FOXN3: variants seen among roughly 807,000 people sequenced by gnomAD.
FOXN3 encodes forkhead box N3.
Under a neutral mutation model 38.4 loss-of-function variants are expected in FOXN3, and 7 were observed. That is an observed-to-expected ratio of 0.18 (90% CI 0.10 to 0.34). The LOEUF (loss-of-function observed/expected upper bound fraction) is 0.34. Ranked by LOEUF, FOXN3 falls within the 10% of genes least tolerant of loss-of-function variation. The pLI, the probability that FOXN3 is intolerant of heterozygous loss-of-function variation, is 1.00. For missense variants in FOXN3, 456 were observed against 613.4 expected (o/e 0.74, Z 2.71); for synonymous variants, 230 against 242.2 (o/e 0.95, Z 0.47).
At position 89,164,276 on chromosome 14, in the gene FOXN3, G is replaced by A. The variant is rs1022323224; in HGVS notation, c.852-1307C>T. Among the ~76,000 whole-genome samples, 3 of 152,184 alleles carry A rather than the reference G, an allele frequency of 2.0e-5. No homozygotes were observed. The highest frequency in any genetic ancestry group is 6.5e-5 in the Admixed American group (1 of 15,280). ...TAGCTGAAGGGGACGAAGGGTGGACGCCAGGGAATGTTTTGTGGAAGACAA... is the reference window on the plus strand; with the variant it reads ...TAGCTGAAGGGGACGAAGGGTGGACACCAGGGAATGTTTTGTGGAAGACAA... On this transcript the variant is annotated intron_variant, in intron 5 of 5. Transcript: ENST00000557258. This position sits in a 1 kb window ranked among gnomAD's most constrained non-coding sequence, Gnocchi z 4.3.
At position 89,331,550 on chromosome 14, in the gene FOXN3, A is replaced by ACAGACTCAGACTCAC. The variant is rs1888248558; in HGVS notation, c.680+19121_680+19122insGTGAGTCTGAGTCTG. Among the ~76,000 whole-genome samples the ACAGACTCAGACTCAC allele has an allele frequency of 2.6e-5, 4 of 152,320 alleles. No homozygotes were observed. In the East Asian group the frequency reaches 7.7e-4, roughly 29 times the overall value. On this transcript the variant is annotated intron_variant, in intron 3 of 5. Transcript: ENST00000557258. ...TGGTGAAGGGGACTGAGGATGAAGA[A>ACAGACTCAGACTCAC]CAGACTCAGACTCAATCTGTTACTA... is the stretch of plus-strand genomic sequence containing the variant.
chr14:89,391,073 T>C (rs1250963716), intron 2 of FOXN3, among the ~76,000 whole-genome samples: 1 of 152,154 alleles, frequency 6.6e-6, no homozygotes, highest in East Asian at 1.9e-4. Context: ...TCTTTCCTTA[T>C]TTATGTGTGG....
Position 89,180,695 on chromosome 14 carries a change from A to C in FOXN3, c.851+6T>G, listed in dbSNP as rs759836629. On this transcript the variant is annotated splice_donor_region_variant and intron_variant, in intron 5 of 5. Coordinates refer to ENST00000557258, the MANE Select transcript of FOXN3 (RefSeq NM_005197.4). ...GCTGGCTCTGCCCAGCGCACTCCCC[A>C]CTTACCTCATGGCCGCTGTCACCCC... is the stretch of plus-strand genomic sequence containing the variant. 8.8e-6 allele frequency: 14 copies of C among 1,599,492 alleles called. 1 individual carries two copies. The East Asian group carries it at 1.6e-4, about 18-fold the overall frequency.
rs148775629 is a variant in FOXN3, at chr14:89,457,085, A to C, written c.-14-44595T>G. Among the ~76,000 whole-genome samples, 723 of 152,314 alleles carry C rather than the reference A, an allele frequency of 4.7e-3. 12 individuals are homozygous for C. Among genetic ancestry groups the C allele is most frequent in the African/African-American group, 0.017 (688 of 41,564 alleles). On this transcript the variant is annotated intron_variant, in intron 1 of 6. Coordinates refer to the FOXN3 transcript ENST00000345097. ...GTAATCACAAGTGTCACACAAAATC[A>C]CACAATTCAAGTCTACAGCTTGACT...
intron 2 of FOXN3, among the ~76,000 whole-genome samples, chr14:89,393,085 A>G (rs1891000627): frequency 6.6e-6 from 1 of 151,930 alleles, no homozygotes; most frequent in Non-Finnish European, 1.5e-5. Context: ...GGTTACAGGC[A>G]TGAGCCACCG....
chr14:89,157,057 T>A lies in FOXN3; in HGVS notation c.*5357A>T, dbSNP rs1430921523. ...AGGTAGAGAAAGCAGTTCTCAACTT[T>A]TGCAAATGAAATACAGTGGAAAAAC... On this transcript the variant is annotated 3_prime_UTR_variant, in exon 6 of 6. Transcript: ENST00000557258. 1 of 152,642 alleles carries A rather than the reference T, an allele frequency of 6.6e-6. No individual in the cohort carries two copies. Among genetic ancestry groups the A allele is most frequent in the African/African-American group, 2.4e-5 (1 of 41,452 alleles). The allele number at this position is 152,642 out of a possible 1,614,324, so 9.5% of individuals were successfully genotyped here.
intron 1 of FOXN3, among the ~76,000 whole-genome samples, chr14:89,618,158 C>T (rs1896528261): frequency 6.6e-6 from 1 of 152,208 alleles, no homozygotes; most frequent in African/African-American, 2.4e-5. Context: ...GCACATTTTA[C>T]ATTTGCAATC....
chr14:89,557,295 C>T (rs1895146541), intron 1 of FOXN3, among the ~76,000 whole-genome samples: 1 of 152,174 alleles, frequency 6.6e-6, no homozygotes, highest in African/African-American at 2.4e-5. Context: ...AAAGTCTTCT[C>T]CCAATTCCCA....
intron 1 of FOXN3, among the ~76,000 whole-genome samples, chr14:89,552,863 C>G (rs1201026552): frequency 6.6e-6 from 1 of 152,072 alleles, no homozygotes; most frequent in African/African-American, 2.4e-5. Flanking sequence ...AACACTCCAG[C>G]CTGGGTAAAA....
intron 1 of FOXN3, among the ~76,000 whole-genome samples, chr14:89,523,415 T>C (rs1313029619): frequency 6.6e-6 from 1 of 152,172 alleles, no homozygotes; most frequent in African/African-American, 2.4e-5. Flanking sequence ...CAGGTGAACA[T>C]AGAACATTTA....
At chr14:89,479,844 C>G (rs971748243) in intron 1 of FOXN3, among the ~76,000 whole-genome samples, 1 of 152,138 alleles carries the variant, frequency 6.6e-6, no homozygotes, top group Non-Finnish European at 1.5e-5. Context: ...CCGGGGAGCA[C>G]CTAGAGCCAT....
At chr14:89,609,868 T>C (rs968729823) in intron 1 of FOXN3, among the ~76,000 whole-genome samples, 27 of 152,084 alleles carry the variant, frequency 1.8e-4, no homozygotes, top group African/African-American at 6.3e-4. Context: ...GGGGATAAAT[T>C]AGATACATGT....
chr14:89,269,885 C>T (rs919187864), intron 4 of FOXN3, among the ~76,000 whole-genome samples: 2 of 152,218 alleles, frequency 1.3e-5, no homozygotes, highest in Non-Finnish European at 1.5e-5. Flanking sequence ...GCTTCCCTAA[C>T]CCATAAATAT....
intron 4 of FOXN3, among the ~76,000 whole-genome samples, chr14:89,239,511 A>T (rs543959271): frequency 1.8e-4 from 28 of 152,348 alleles, no homozygotes; most frequent in Non-Finnish European, 3.5e-4. Flanking sequence ...AAGGCCTGAA[A>T]GAAAATTATA....
At chr14:89,175,661 G>T (rs373572015) in intron 5 of FOXN3, among the ~76,000 whole-genome samples, 20 of 152,326 alleles carry the variant, frequency 1.3e-4, no homozygotes, top group African/African-American at 4.8e-4. Flanking sequence ...GCAGGAGATG[G>T]ACCGAGGAAA....
Position 89,492,234 on chromosome 14 carries a change from T to TG in FOXN3, c.-14-79745dup, listed in dbSNP as rs553570178. Among the ~76,000 whole-genome samples, 67 of 152,214 alleles carry TG rather than the reference T, an allele frequency of 4.4e-4. 1 individual carries two copies. The South Asian group carries it at 0.011, about 24-fold the overall frequency. On this transcript the variant is annotated intron_variant, in intron 1 of 6. Transcript: ENST00000345097. ...CCAATGCTATTTGGTCCCCTCAGCC[T>TG]GGGGGGGCCAAGCACACGTGGGATC...
intron 4 of FOXN3, among the ~76,000 whole-genome samples, chr14:89,214,558 A>C (rs1195960119): frequency 6.6e-6 from 1 of 152,240 alleles, no homozygotes; most frequent in Admixed American, 6.5e-5. Flanking sequence ...AGCTTTTGTA[A>C]GTCAAGTTGG....
At chr14:89,356,636 C>T (rs1382337899) in intron 2 of FOXN3, 1 of 152,016 alleles carries the variant, frequency 6.6e-6, no homozygotes, top group African/African-American at 2.4e-5. Context: ...TTCTGACACA[C>T]CATTTTGGAG....
intron 3 of FOXN3, among the ~76,000 whole-genome samples, chr14:89,328,917 C>A (rs995549839): frequency 2.0e-5 from 3 of 152,192 alleles, no homozygotes; most frequent in African/African-American, 7.2e-5. Flanking sequence ...CTGCCTATGT[C>A]ATTCAGCCAT....
Sources: allele counts gnomAD v4.1 joint callset (sites outside exome capture counted in the v4.1 genomes callset), GRCh38; gene constraint gnomAD v4.1.1; non-coding constraint Gnocchi (gnomAD v3.1); transcripts MANE v1.5; gene names NCBI Gene and HGNC (gene_info 2026-07-23, HGNC 2026-07-21).